The following CADM2 variants were observed in gnomAD, a reference collection of about 807,000 sequenced individuals.
The protein encoded by CADM2 is cell adhesion molecule 2.
A neutral mutation model predicts 49.8 loss-of-function variants in CADM2; 12 were observed. The ratio of observed to expected loss-of-function variants is 0.24; its 90% CI spans 0.15 to 0.39. The LOEUF (loss-of-function observed/expected upper bound fraction) is 0.39, where lower values mean the gene tolerates loss of function less well. Ranked by LOEUF, CADM2 falls within the 10% of genes least tolerant of loss-of-function variation. The pLI is 1.00. For synonymous variants in CADM2, 214 were observed against 175.4 expected (o/e 1.22, Z -1.74); for missense variants, 378 against 492.3 (o/e 0.77, Z 2.20).
At chr3:85,089,666 A>C (rs1034340441) in intron 1 of CADM2, among the ~76,000 whole-genome samples, 2 of 152,084 alleles carry the variant, frequency 1.3e-5, no homozygotes, top group African/African-American at 4.8e-5. Context: ...TAACTGGAAC[A>C]TTTTTTGTCT....
chr3:85,200,080 A>G (rs1454934930), intron 1 of CADM2, among the ~76,000 whole-genome samples: 1 of 152,076 alleles, frequency 6.6e-6, no homozygotes, highest in Non-Finnish European at 1.5e-5. Flanking sequence ...AACTGAAAGC[A>G]GTGTAAAAGT....
At chr3:85,027,886 T>C (rs931859677) in intron 1 of CADM2, among the ~76,000 whole-genome samples, 5 of 152,174 alleles carry the variant, frequency 3.3e-5, no homozygotes, top group Non-Finnish European at 7.4e-5. Flanking sequence ...CAGTCTTAAC[T>C]TGAACATAGA....
chr3:85,393,521 C>T (rs1038197262), intron 1 of CADM2, among the ~76,000 whole-genome samples: 1 of 152,116 alleles, frequency 6.6e-6, no homozygotes, highest in African/African-American at 2.4e-5. Context: ...CATAAATTAT[C>T]TTAAAGTTAT....
chr3:85,039,026 A>G (rs888609339), intron 1 of CADM2, among the ~76,000 whole-genome samples: 2 of 152,122 alleles, frequency 1.3e-5, no homozygotes, highest in Non-Finnish European at 2.9e-5. Flanking sequence ...TTTTCTTATA[A>G]ACACAGAGAG....
intron 1 of CADM2, among the ~76,000 whole-genome samples, chr3:85,645,079 A>G (rs1280550724): frequency 1.3e-5 from 2 of 152,098 alleles, no homozygotes; most frequent in African/African-American, 4.8e-5. Context: ...TTATAAGCCC[A>G]TTCTTCTCTT....
chr3:86,006,449 G>A (rs912209416), intron 8 of CADM2, among the ~76,000 whole-genome samples: 2 of 152,190 alleles, frequency 1.3e-5, no homozygotes, highest in Non-Finnish European at 2.9e-5. Flanking sequence ...CCTGCTGAAT[G>A]TGTGGAGCAG....
At chr3:85,957,051 G>A (rs1043641917) in intron 7 of CADM2, among the ~76,000 whole-genome samples, 19 of 151,592 alleles carry the variant, frequency 1.3e-4, no homozygotes, top group African/African-American at 3.9e-4. Flanking sequence ...TGGGTCTTAT[G>A]TGACTTTGTG....
intron 3 of CADM2, among the ~76,000 whole-genome samples, chr3:85,820,434 G>T (rs2073482062): frequency 6.6e-6 from 1 of 152,152 alleles, no homozygotes. Context: ...AGTTGGTTTG[G>T]ATCAGAGTTA....
chr3:85,319,446 C>T (rs1294811102), intron 1 of CADM2, among the ~76,000 whole-genome samples: 1 of 152,172 alleles, frequency 6.6e-6, no homozygotes, highest in Non-Finnish European at 1.5e-5. Flanking sequence ...TTACTCGGTG[C>T]ATACCCAGTG....
At chr3:85,122,666 A>G (rs1486349102) in intron 1 of CADM2, among the ~76,000 whole-genome samples, 2 of 151,942 alleles carry the variant, frequency 1.3e-5, no homozygotes, top group Non-Finnish European at 2.9e-5. Flanking sequence ...ATGTTTATTT[A>G]TTTATAGCCA....
intron 8 of CADM2, among the ~76,000 whole-genome samples, chr3:86,045,818 T>G (rs1409466951): frequency 6.6e-6 from 1 of 152,156 alleles, no homozygotes; most frequent in Non-Finnish European, 1.5e-5. Context: ...GCTAGTCTAT[T>G]AAATCTTCAC....
intron 1 of CADM2, among the ~76,000 whole-genome samples, chr3:85,158,660 G>T (rs2040218792): frequency 6.6e-6 from 1 of 152,036 alleles, no homozygotes; most frequent in Admixed American, 6.6e-5. Context: ...ATGGACACAG[G>T]AAGGGAAACA....
chr3:85,633,682 A>G (rs542192300), intron 1 of CADM2, among the ~76,000 whole-genome samples: 20 of 152,190 alleles, frequency 1.3e-4, no homozygotes, highest in African/African-American at 4.8e-4. Context: ...CTTCCATGGA[A>G]CCAATCACTG....
chr3:85,211,298 CT>C (rs1334522054), intron 1 of CADM2, among the ~76,000 whole-genome samples: 11 of 151,886 alleles, frequency 7.2e-5, no homozygotes, highest in Admixed American at 3.3e-4. Context: ...TCATTTATTA[CT>C]GCTCTGATCT....
rs867249975 is a variant in CADM2, at chr3:85,405,892, T to A, written c.62-320630T>A. ...AATAATATATTCTAACACCAGCCTG[T>A]GTGACAGCGTGAGACCCTGTCACAA... On this transcript the variant is annotated intron_variant, in intron 1 of 9. Transcript: ENST00000383699. Among the ~76,000 whole-genome samples, 8 of 151,314 alleles carry A rather than the reference T, an allele frequency of 5.3e-5. No homozygotes were observed. In the South Asian group the frequency reaches 8.3e-4, roughly 16 times the overall value.
At chr3:85,735,183 G>A (rs1449813235) in intron 2 of CADM2, among the ~76,000 whole-genome samples, 1 of 152,090 alleles carries the variant, frequency 6.6e-6, no homozygotes, top group Non-Finnish European at 1.5e-5. Flanking sequence ...TAAAGTGGAA[G>A]AATGAGTTAG....
At chr3:85,324,549 C>A (rs1003075147) in intron 1 of CADM2, among the ~76,000 whole-genome samples, 21 of 152,124 alleles carry the variant, frequency 1.4e-4, no homozygotes, top group Admixed American at 1.0e-3. Context: ...ACCACACTTT[C>A]ATTAAAAATG....
intron 2 of CADM2, among the ~76,000 whole-genome samples, chr3:85,800,627 A>G (rs1368787521): frequency 3.3e-5 from 5 of 152,128 alleles, no homozygotes; most frequent in Non-Finnish European, 7.4e-5. Flanking sequence ...CCCTTACAGC[A>G]CAGGACCTCA....
At chr3:85,769,514 CGT>C (rs2069923299) in intron 2 of CADM2, among the ~76,000 whole-genome samples, 1 of 62,326 alleles carries the variant, frequency 1.6e-5, no homozygotes, top group Non-Finnish European at 2.8e-5. Context: ...TATATATACA[CGT>C]ATATACATAT....
Sources: gnomAD v4.1 joint callset for allele counts (sites outside exome capture counted in the v4.1 genomes callset) on GRCh38, gnomAD v4.1.1 for gene constraint, MANE v1.5 for transcripts, NCBI Gene and HGNC (gene_info 2026-07-23, HGNC 2026-07-21) for gene names.